The following CDK2 variants were observed in gnomAD, a reference collection of about 807,000 sequenced individuals.
CDK2 encodes cyclin dependent kinase 2, also known as cyclin-dependent kinase 2.
Under a neutral mutation model 35.0 loss-of-function variants are expected in CDK2, and 8 were observed. The ratio of observed to expected loss-of-function variants is 0.23; its 90% CI spans 0.13 to 0.41. The LOEUF (loss-of-function observed/expected upper bound fraction) is 0.41, where lower values mean the gene tolerates loss of function less well. Ranked by LOEUF, CDK2 falls within the 10% of genes least tolerant of loss-of-function variation. CDK2 has a pLI of 1.00. For missense variants in CDK2, 201 were observed against 367.1 expected, an observed-to-expected ratio of 0.55 and a Z score of 3.70; for synonymous variants, 134 against 137.7, an observed-to-expected ratio of 0.97 and a Z score of 0.19.
At chr12:55,970,392 G>C (rs1889442435) in intron 5 of CDK2, among the ~76,000 whole-genome samples, 1 of 149,850 alleles carries the variant, frequency 6.7e-6, no homozygotes, top group Non-Finnish European at 1.5e-5. Flanking sequence ...TTATGTAGAA[G>C]CTCCCATCTC....
chr12:55,968,188 T>G lies in CDK2; in HGVS notation c.315+19T>G. The G allele has an allele frequency of 6.2e-7, 1 of 1,613,472 alleles. No individual in the cohort carries two copies. The highest frequency in any genetic ancestry group is 8.5e-7 in the Non-Finnish European group (1 of 1,179,476). Reference sequence around the variant, plus strand: ...CATCAAGGTAATGCTTCTCATCAGCTCCTCTCATCATGGGCATGTCTTGGG... The same window carrying G: ...CATCAAGGTAATGCTTCTCATCAGCGCCTCTCATCATGGGCATGTCTTGGG... On this transcript the variant is annotated intron_variant, in intron 3 of 6. Coordinates refer to ENST00000266970, the MANE Select transcript of CDK2 (RefSeq NM_001798.5).
At chr12:55,970,914 T>C (rs745987726) in intron 5 of CDK2, 130 bp from the exon 6 acceptor site, 1 of 807,076 alleles carries the variant, frequency 1.2e-6, no homozygotes, top group Non-Finnish European at 2.2e-6. Context: ...ACTGACCCCA[T>C]GAAAGGCCCT....
rs1180641460 is a variant in CDK2, at chr12:55,971,575, C to T, written c.847C>T (p.His283Tyr). ...KRISAKAALA[H>Y]PFFQDVTKPV... ...GATTTCGGCCAAGGCAGCCCTGGCT[C>T]ACCCTTTCTTCCAGGATGTGACCAA... The change falls in exon 7 of 7, where the codon CAC becomes TAC. Residue 283 changes from histidine (H) to tyrosine (Y), a missense_variant. Physicochemically the swap from His to Tyr is moderately conservative, Grantham distance 83. Transcript: ENST00000266970. 2 of 1,614,194 alleles carry T rather than the reference C, an allele frequency of 1.2e-6. No homozygotes were observed. The highest frequency in any genetic ancestry group is 1.7e-5 in the Admixed American group (1 of 60,030).
At chr12:55,967,374 G>C (rs558861719) in intron 1 of CDK2, 1 of 527,850 alleles carries the variant, frequency 1.9e-6, no homozygotes, top group Non-Finnish European at 3.4e-6. Flanking sequence ...CCCCAAATGT[G>C]CGACTACAGA....
chr12:55,967,179 C>G (rs750300173), intron 1 of CDK2, 55 bp downstream of exon 1: 29 of 1,325,508 alleles, frequency 2.2e-5, no homozygotes, highest in Non-Finnish European at 2.5e-5. Context: ...GATTGTCCCC[C>G]CCAACCCCCC....
chr12:55,971,630 C>G lies in CDK2; in HGVS notation c.*5C>G. ...GTACCCCATCTTCGACTCTGATAGCCTTCTTGAAGCCCCCAGCCCTAATCT... is the reference window on the plus strand; with the variant it reads ...GTACCCCATCTTCGACTCTGATAGCGTTCTTGAAGCCCCCAGCCCTAATCT... On this transcript the variant is annotated 3_prime_UTR_variant, in exon 7 of 7. Transcript: ENST00000266970. 1 of 1,596,126 alleles carries G rather than the reference C, an allele frequency of 6.3e-7. No individual in the cohort carries two copies. The highest frequency in any genetic ancestry group is 8.6e-7 in the Non-Finnish European group (1 of 1,163,490).
At chr12:55,968,321 C>A in intron 3 of CDK2, 152 bp downstream of exon 3, 1 of 749,664 alleles carries the variant, frequency 1.3e-6, no homozygotes, top group Non-Finnish European at 2.1e-6. Flanking sequence ...TCCTTCCCTG[C>A]TCATTATATT....
chr12:55,966,992 C>A lies in CDK2; in HGVS notation c.-17C>A. ...CCCCCGCTCCAGGGCCGGGCTGACC[C>A]GACTCGCTGGCGCTTCATGGAGAAC... is the stretch of plus-strand genomic sequence containing the variant. On this transcript the variant is annotated 5_prime_UTR_variant, in exon 1 of 7. Coordinates refer to ENST00000266970, the MANE Select transcript of CDK2 (RefSeq NM_001798.5). 2 of 1,594,442 alleles carry A rather than the reference C, an allele frequency of 1.3e-6. No homozygotes were observed. The highest frequency in any genetic ancestry group is 1.1e-5 in the South Asian group (1 of 89,382).
At chr12:55,969,615 TCTC>T in intron 5 of CDK2, 39 bp downstream of exon 5, 2 of 1,146,302 alleles carry the variant, frequency 1.7e-6, no homozygotes, top group East Asian at 5.1e-5. Flanking sequence ...GCCCCCTCCC[TCTC>T]CTCCCCACAT....
Position 55,966,920 on chromosome 12 carries a change from T to A in CDK2, c.-89T>A, listed in dbSNP as rs1201732868. 9.0e-7 allele frequency: 1 copy of A among 1,116,230 alleles called. No individual in the cohort carries two copies. The highest frequency in any genetic ancestry group is 1.3e-6 in the Non-Finnish European group (1 of 762,154). 69.1% of individuals were successfully genotyped at this position (1,116,230 alleles called of 1,614,324 possible). On this transcript the variant is annotated 5_prime_UTR_variant, in exon 1 of 7. Transcript: ENST00000266970. ...CACGGTACTGGGCCCTGTTTCCCCCTCCTCGGCCCCCGAGAGCCAGGGTCC... is the reference window on the plus strand; with the variant it reads ...CACGGTACTGGGCCCTGTTTCCCCCACCTCGGCCCCCGAGAGCCAGGGTCC...
intron 1 of CDK2, 113 bp from the exon 2 acceptor site, chr12:55,967,744 A>C: frequency 1.2e-6 from 1 of 841,940 alleles, no homozygotes; most frequent in Non-Finnish European, 2.0e-6. Context: ...CTCTTCTCTC[A>C]CTTTCCTAGG....
At chr12:55,967,586 AT>A in intron 1 of CDK2, 1 of 504,950 alleles carries the variant, frequency 2.0e-6, no homozygotes, top group South Asian at 2.5e-5. Context: ...CTACTCCTGC[AT>A]TTTTTCCCCT....
At chr12:55,968,969 T>C in intron 4 of CDK2, 21 bp downstream of exon 4, 1 of 1,537,754 alleles carries the variant, frequency 6.5e-7, no homozygotes, top group South Asian at 1.2e-5. Flanking sequence ...TTATGTCTTT[T>C]TTCTCTGAGC....
intron 5 of CDK2, 184 bp from the exon 6 acceptor site, chr12:55,970,860 C>T (rs950989572): frequency 5.0e-5 from 35 of 705,768 alleles, no homozygotes; most frequent in Non-Finnish European, 7.8e-5. Flanking sequence ...AAGGAGGGGG[C>T]GAGGAGACAG....
chr12:55,969,930 T>C (rs1592784375), intron 5 of CDK2: 1 of 164,050 alleles, frequency 6.1e-6, no homozygotes, highest in Admixed American at 6.4e-5. Flanking sequence ...CCTTGTTGTA[T>C]GGTGCCAGCA....
At chr12:55,970,942 G>A (rs1333834054) in intron 5 of CDK2, 102 bp from the exon 6 acceptor site, 2 of 968,032 alleles carry the variant, frequency 2.1e-6, no homozygotes, top group South Asian at 1.3e-5. Context: ...GAGTCATGGG[G>A]CCCTGCTGAC....
At chr12:55,970,276 G>C (rs1421000070) in intron 5 of CDK2, among the ~76,000 whole-genome samples, 2 of 104,894 alleles carry the variant, frequency 1.9e-5, no homozygotes, top group East Asian at 6.4e-4. Context: ...GCGACAGAAT[G>C]AGATTCCATC....
intron 4 of CDK2, 87 bp from the exon 5 acceptor site, chr12:55,969,388 A>T: frequency 3.1e-6 from 2 of 638,130 alleles, no homozygotes; most frequent in South Asian, 4.4e-5. Context: ...AGAGGCCAAG[A>T]GTAAGCAGAG....
chr12:55,968,140 C>G lies in CDK2; in HGVS notation c.286C>G (p.Leu96Val), dbSNP rs746422426. Residue 96 changes from leucine (L) to valine (V), a missense_variant, in exon 3 of 7, where the codon CTC becomes GTC. Physicochemically the swap from Leu to Val is conservative, Grantham distance 32. Around this residue, in one of 5 missense-constraint regions of CDK2, gnomAD observed 47 missense variants for 59.5 expected, o/e 0.79. Transcript: ENST00000266970. Reference sequence around the variant, plus strand: ...CAAGAAATTCATGGATGCCTCTGCTCTCACTGGCATTCCTCTTCCCCTCAT... The same window carrying G: ...CAAGAAATTCATGGATGCCTCTGCTGTCACTGGCATTCCTCTTCCCCTCAT... The part of the protein sequence containing the change: ...DLKKFMDASA[L>V]TGIPLPLIKS... 1.9e-6 allele frequency: 3 copies of G among 1,613,934 alleles called. No homozygotes were observed. The highest frequency in any genetic ancestry group is 2.2e-5 in the East Asian group (1 of 44,896).
Sources: gnomAD v4.1 joint callset for allele counts (sites outside exome capture counted in the v4.1 genomes callset) on GRCh38, gnomAD v4.1.1 for gene constraint, gnomAD v4.1.1 regional missense constraint, MANE v1.5 for transcripts, NCBI Gene and HGNC (gene_info 2026-07-23, HGNC 2026-07-21) for gene names.